CERKL: variants seen among roughly 807,000 people sequenced by gnomAD.
CERKL encodes ceramide kinase-like protein.
CERKL carries 61 observed loss-of-function variants against 63.4 expected under a neutral mutation model. The observed-to-expected ratio is 0.96, with a 90% CI of 0.78 to 1.19. The LOEUF (loss-of-function observed/expected upper bound fraction) is 1.19, where lower values mean the gene tolerates loss of function less well. CERKL is among the 50% of genes most tolerant of loss of function. The probability of loss-of-function intolerance (pLI) is 0.00; values close to 1 mark genes in which losing one functional copy is unlikely to be tolerated. For synonymous variants in CERKL, 250 were observed against 230.5 expected, an observed-to-expected ratio of 1.08 and a Z score of -0.77; for missense variants, 675 against 655.5, an observed-to-expected ratio of 1.03 and a Z score of -0.33.
chr2:181,657,042 G>A lies in CERKL; in HGVS notation c.-36C>T, dbSNP rs1019213888. On this transcript the variant is annotated 5_prime_UTR_variant, in exon 1 of 13. Transcript: ENST00000410087. Reference sequence around the variant, plus strand: ...CAGGCTGGGCCCGAGCCAGGGGTCCGGGGAGGCCTTTGGAGAAGGAGGTGG... The same window carrying A: ...CAGGCTGGGCCCGAGCCAGGGGTCCAGGGAGGCCTTTGGAGAAGGAGGTGG... The A allele has an allele frequency of 3.2e-6, 5 of 1,540,794 alleles. No individual in the cohort carries two copies. The highest frequency in any genetic ancestry group is 2.7e-5 in the African/African-American group (2 of 73,216).
rs1688305581 is a variant in CERKL, at chr2:181,558,581, C to T, written c.805G>A (p.Gly269Ser). 6.2e-7 allele frequency: 1 copy of T among 1,613,632 alleles called. No individual in the cohort carries two copies. Among genetic ancestry groups the T allele is most frequent in the Non-Finnish European group, 8.5e-7 (1 of 1,179,804 alleles). ...ACTCCCTTGCCTGCTGGTATTAAGC[C>T]AAGTGGAAGCTGTGCTCTGACAGGA... is the stretch of plus-strand genomic sequence containing the variant. ...LTPVRAQLPL[G>S]LIPAGSTNVL... The change falls in exon 5 of 13, where the codon GGC (glycine) becomes AGC (serine). Residue 269 changes from glycine to serine, a missense_variant. Transcript: ENST00000410087. This position sits in a 1 kb window ranked among gnomAD's most constrained non-coding sequence, Gnocchi z 4.2.
chr2:181,569,213 A>G (rs1161455045), intron 3 of CERKL, among the ~76,000 whole-genome samples: 1 of 152,170 alleles, frequency 6.6e-6, no homozygotes, highest in Non-Finnish European at 1.5e-5. Flanking sequence ...TACACCCACA[A>G]TTATTTAAGA....
intron 1 of CERKL, among the ~76,000 whole-genome samples, chr2:181,629,925 A>G (rs1292742024): frequency 3.3e-5 from 5 of 150,524 alleles, no homozygotes; most frequent in Non-Finnish European, 5.9e-5. Flanking sequence ...AGTGTTATAT[A>G]TCATTTTTAA....
chr2:181,573,347 G>C (rs1688989228), intron 3 of CERKL, among the ~76,000 whole-genome samples: 1 of 152,120 alleles, frequency 6.6e-6, no homozygotes, highest in Non-Finnish European at 1.5e-5. Flanking sequence ...CCAGGGGTCA[G>C]AGTCAGAACG....
chr2:181,607,981 C>T (rs927318656), intron 1 of CERKL, among the ~76,000 whole-genome samples: 1 of 151,960 alleles, frequency 6.6e-6, no homozygotes, highest in Admixed American at 6.6e-5. Context: ...ATTAATGAAA[C>T]TGAATATCTT....
chr2:181,649,269 C>T (rs144975020), intron 1 of CERKL, among the ~76,000 whole-genome samples: 2 of 152,036 alleles, frequency 1.3e-5, no homozygotes, highest in East Asian at 1.9e-4. Flanking sequence ...TCATATCAGA[C>T]AAAATAGACT....
chr2:181,596,075 T>C (rs906096799), intron 2 of CERKL, among the ~76,000 whole-genome samples: 1 of 152,238 alleles, frequency 6.6e-6, no homozygotes, highest in African/African-American at 2.4e-5. Flanking sequence ...GCATTTTGAA[T>C]ATAATCACAT....
chr2:181,605,208 AC>A (rs1387968294), intron 1 of CERKL, among the ~76,000 whole-genome samples: 1 of 152,194 alleles, frequency 6.6e-6, no homozygotes, highest in Non-Finnish European at 1.5e-5. Context: ...CAGGGCAGAT[AC>A]AGGAATCCTG....
chr2:181,609,532 C>CCAAAAAAA, intron 1 of CERKL, among the ~76,000 whole-genome samples: 1 of 16,338 alleles, frequency 6.1e-5, no homozygotes, highest in South Asian at 4.1e-3. Flanking sequence ...CCTGTCTCTA[C>CCAAAAAAA]TAAAAAAAAA....
At chr2:181,589,063 C>A (rs1574476170) in intron 2 of CERKL, among the ~76,000 whole-genome samples, 1 of 152,226 alleles carries the variant, frequency 6.6e-6, no homozygotes, top group East Asian at 1.9e-4. Context: ...GTTCCCTTTG[C>A]TGTGAAGAGC....
At chr2:181,542,235 C>T (rs1687540083) in intron 11 of CERKL, among the ~76,000 whole-genome samples, 1 of 152,150 alleles carries the variant, frequency 6.6e-6, no homozygotes. Context: ...TCTAATTTTA[C>T]ACAGAGATGG....
chr2:181,584,814 C>T (rs985007152), intron 2 of CERKL, among the ~76,000 whole-genome samples: 12 of 151,500 alleles, frequency 7.9e-5, no homozygotes, highest in African/African-American at 1.7e-4. Context: ...AATAGCTCCC[C>T]GGTTTTTTTT....
chr2:181,579,642 C>T (rs1684414154), intron 2 of CERKL, among the ~76,000 whole-genome samples: 1 of 151,862 alleles, frequency 6.6e-6, no homozygotes, highest in Non-Finnish European at 1.5e-5. Flanking sequence ...TCTTTTATGG[C>T]CTCTGGGCTT....
intron 5 of CERKL, among the ~76,000 whole-genome samples, chr2:181,555,781 C>A (rs182483505): frequency 8.4e-5 from 12 of 143,364 alleles, no homozygotes; most frequent in Admixed American, 5.8e-4. Context: ...TTGAGACAGC[C>A]TCGCTCTGTC....
At chr2:181,568,034 T>C (rs1396718457) in intron 3 of CERKL, among the ~76,000 whole-genome samples, 1 of 152,190 alleles carries the variant, frequency 6.6e-6, no homozygotes, top group Non-Finnish European at 1.5e-5. Flanking sequence ...TGTGAAGCCT[T>C]CACAGTTTAC....
In CERKL at chr2:181,538,217, A is replaced by ATAAAGACTGATAAGTCTTGG. The variant is rs1064797278; in HGVS notation, c.1546_1565dup (p.Gly523GlnfsTer14). 2 of 1,591,268 alleles carry ATAAAGACTGATAAGTCTTGG rather than the reference A, an allele frequency of 1.3e-6. No individual in the cohort carries two copies. Among genetic ancestry groups the ATAAAGACTGATAAGTCTTGG allele is most frequent in the Non-Finnish European group, 1.7e-6 (2 of 1,160,228 alleles). On this transcript the variant is annotated frameshift_variant, in exon 13 of 13. Coordinates refer to ENST00000410087, the MANE Select transcript of CERKL (RefSeq NM_201548.5). LOFTEE classifies it high-confidence loss of function. ...GAATCATTTCTTCCATGCTTCCTCC[A>ATAAAGACTGATAAGTCTTGG]TAAAGACTGATAAGTCTTGGATGCA...
At chr2:181,594,083 T>C (rs1472580276) in intron 2 of CERKL, among the ~76,000 whole-genome samples, 2 of 152,144 alleles carry the variant, frequency 1.3e-5, no homozygotes, top group African/African-American at 2.4e-5. Context: ...ACTAGAATAA[T>C]GCCTACCACA....
At chr2:181,538,281 GTTGT>G in intron 12 of CERKL, 37 bp from the exon 13 acceptor site, 3 of 1,342,986 alleles carry the variant, frequency 2.2e-6, no homozygotes, top group Non-Finnish European at 3.2e-6. Flanking sequence ...AACTTATTTT[GTTGT>G]TTTTCACATA....
intron 3 of CERKL, among the ~76,000 whole-genome samples, chr2:181,568,354 A>G (rs1318209928): frequency 6.6e-6 from 1 of 152,182 alleles, no homozygotes; most frequent in Admixed American, 6.5e-5. Context: ...TCTCAAATAT[A>G]TTGTTCTTTT....
Sources: allele counts gnomAD v4.1 joint callset (sites outside exome capture counted in the v4.1 genomes callset), GRCh38; gene constraint gnomAD v4.1.1; non-coding constraint Gnocchi (gnomAD v3.1); transcripts MANE v1.5; gene names NCBI Gene and HGNC (gene_info 2026-07-23, HGNC 2026-07-21).